The following CFAP92 variants were observed in gnomAD, a reference collection of about 807,000 sequenced individuals.
CFAP92 encodes the protein cilia and flagella associated protein 92 (putative).
CFAP92 carries 86 observed loss-of-function variants against 106.3 expected under a neutral mutation model. The observed-to-expected ratio is 0.81, with a 90% CI of 0.68 to 0.97. CFAP92 has a LOEUF of 0.97. CFAP92 is among the 50% of genes least tolerant of loss of function. The pLI is 0.00. For missense variants in CFAP92, 1,204 were observed against 1,283.8 expected, an observed-to-expected ratio of 0.94 and a Z score of 0.95; for synonymous variants, 477 against 506.4, an observed-to-expected ratio of 0.94 and a Z score of 0.78.
At chr3:128,962,609 C>G (rs1194024149) in intron 9 of CFAP92, among the ~76,000 whole-genome samples, 2 of 152,108 alleles carry the variant, frequency 1.3e-5, no homozygotes, top group African/African-American at 4.8e-5. Context: ...TAAGAGACCT[C>G]TACTCCCTCC....
the CFAP92 span, among the ~76,000 whole-genome samples, chr3:129,007,805 T>C: frequency 2.6e-5 from 4 of 152,262 alleles, no homozygotes; most frequent in Admixed American, 6.5e-5. Flanking sequence ...TATTGAGTTC[T>C]TTTTCAGACC....
intron 7 of CFAP92, among the ~76,000 whole-genome samples, chr3:128,971,689 A>G (rs575927619): frequency 6.6e-6 from 1 of 152,328 alleles, no homozygotes; most frequent in East Asian, 1.9e-4. Context: ...GAACACAGAC[A>G]GAAGAGAACT....
At chr3:128,932,563 G>T in intron 12 of CFAP92, 137 bp downstream of exon 12, 2 of 826,154 alleles carry the variant, frequency 2.4e-6, no homozygotes, top group Non-Finnish European at 1.8e-6. Flanking sequence ...CCATCCAGCA[G>T]GGTAGCCCAG....
At chr3:129,000,091 G>A (rs1419185191) in intron 1 of CFAP92, among the ~76,000 whole-genome samples, 1 of 152,218 alleles carries the variant, frequency 6.6e-6, no homozygotes, top group Non-Finnish European at 1.5e-5. Flanking sequence ...CTGAGTCCTA[G>A]CTGATTTGAT....
intron 8 of CFAP92, chr3:128,970,214 C>T: frequency 6.6e-6 from 1 of 152,442 alleles, no homozygotes; most frequent in East Asian, 1.9e-4. Context: ...TACACTCCAG[C>T]CTGGGTGAGA....
intron 10 of CFAP92, among the ~76,000 whole-genome samples, chr3:128,940,454 C>G (rs1451504538): frequency 2.0e-5 from 3 of 152,222 alleles, no homozygotes; most frequent in Non-Finnish European, 4.4e-5. Context: ...GCAGAGGACA[C>G]TTCTGATTTC....
chr3:128,961,959 C>T (rs377426272), intron 9 of CFAP92, among the ~76,000 whole-genome samples: 3 of 152,146 alleles, frequency 2.0e-5, no homozygotes, highest in Non-Finnish European at 4.4e-5. Context: ...CCTCCAGAAC[C>T]TCCTCCCCCA....
chr3:128,952,508 G>C (rs539157452), intron 9 of CFAP92, among the ~76,000 whole-genome samples: 1 of 152,130 alleles, frequency 6.6e-6, no homozygotes, highest in Non-Finnish European at 1.5e-5. Context: ...CCAATGAACA[G>C]ACACCAACAC....
At chr3:128,913,170 C>A in intron 15 of CFAP92, 1 of 406,718 alleles carries the variant, frequency 2.5e-6, no homozygotes, top group Non-Finnish European at 5.0e-6. Context: ...TGGGTGACAG[C>A]AGGACCCTGA....
rs141657989 is a variant in CFAP92, at chr3:128,992,200, C to G, written c.262+843G>C. Among the ~76,000 whole-genome samples the G allele has an allele frequency of 1.4e-3, 219 of 152,264 alleles. 6 individuals carry two copies. The highest frequency in any genetic ancestry group is 4.9e-3 in the African/African-American group (203 of 41,546). On this transcript the variant is annotated intron_variant, in intron 2 of 15. Coordinates refer to ENST00000645291, the MANE Select transcript of CFAP92 (RefSeq NM_001394090.1). ...GGGGGCTTGTTTGGGTTTGTTGCAC[C>G]GCATTTTTGTGGCAATAGCTAATTG...
upstream of CFAP92, among the ~76,000 whole-genome samples, chr3:129,006,287 AG>A (rs1945071011): frequency 6.6e-6 from 1 of 152,168 alleles, no homozygotes; most frequent in Non-Finnish European, 1.5e-5. Context: ...CCTGTTAGTC[AG>A]TCCCAAACAA....
intron 15 of CFAP92, among the ~76,000 whole-genome samples, chr3:128,911,269 G>T (rs994954662): frequency 2.6e-5 from 4 of 152,102 alleles, no homozygotes; most frequent in African/African-American, 9.7e-5. Flanking sequence ...TGTTAGCCAG[G>T]CTGGTCTCCA....
intron 7 of CFAP92, 82 bp downstream of exon 7, chr3:128,975,697 G>T: frequency 8.7e-7 from 1 of 1,148,202 alleles, no homozygotes; most frequent in Non-Finnish European, 1.2e-6. Flanking sequence ...GAATCTCATT[G>T]AAGTATCCTG....
chr3:129,015,266 C>T, the CFAP92 span, among the ~76,000 whole-genome samples: 1 of 152,152 alleles, frequency 6.6e-6, no homozygotes, highest in Non-Finnish European at 1.5e-5. Context: ...CTACTCCTGA[C>T]CAATCCACAT....
chr3:128,932,993 G>A lies in CFAP92; in HGVS notation c.2458C>T (p.His820Tyr), dbSNP rs1000644585. The A allele has an allele frequency of 1.3e-5, 20 of 1,535,936 alleles. No homozygotes were observed. The highest frequency in any genetic ancestry group is 1.7e-5 in the Non-Finnish European group (19 of 1,146,898). Reference sequence around the variant, plus strand: ...GTGGTGCTGTTATAGCAGATGTCGTGGATCCTGGAACAAAGAACCACTGCC... The same window carrying A: ...GTGGTGCTGTTATAGCAGATGTCGTAGATCCTGGAACAAAGAACCACTGCC... The part of the protein sequence containing the change: ...RRVFQALARI[H>Y]DICYNSTTLW... Residue 820 changes from histidine to tyrosine, a missense_variant, in exon 12 of 16, where the codon CAC (histidine) becomes TAC (tyrosine). Physicochemically the swap from His to Tyr is moderately conservative, Grantham distance 83. Coordinates refer to ENST00000645291, the MANE Select transcript of CFAP92 (RefSeq NM_001394090.1).
At chr3:128,983,994 A>G (rs1003502110) in intron 4 of CFAP92, among the ~76,000 whole-genome samples, 1 of 152,212 alleles carries the variant, frequency 6.6e-6, no homozygotes, top group Non-Finnish European at 1.5e-5. Flanking sequence ...GTGCAGAGAA[A>G]GCCAGAGGGC....
chr3:128,915,049 C>A (rs911474114), intron 15 of CFAP92, 70 bp downstream of exon 15: 2 of 1,441,402 alleles, frequency 1.4e-6, no homozygotes, highest in African/African-American at 2.8e-5. Context: ...ACTGAAGATG[C>A]AGAGTGGCAC....
At chr3:128,937,111 G>C (rs1363604627) in intron 10 of CFAP92, among the ~76,000 whole-genome samples, 2 of 151,496 alleles carry the variant, frequency 1.3e-5, no homozygotes, top group African/African-American at 4.9e-5. Flanking sequence ...GACCAGCCTT[G>C]GCAACCTGGT....
rs543087507 is a variant in CFAP92, at chr3:128,983,959, G to A, written c.667+3657C>T. Among the ~76,000 whole-genome samples, 621 of 152,344 alleles carry A rather than the reference G, an allele frequency of 4.1e-3. 2 individuals carry two copies. Among genetic ancestry groups the A allele is most frequent in the Middle Eastern group, 0.02 (6 of 294 alleles). ...AGACAGAGAAAGGCCAGGCCGGCAG[G>A]AGAGAGGAGGGGGAACAAACCTGAG... On this transcript the variant is annotated intron_variant, in intron 4 of 15. Coordinates refer to ENST00000645291, the MANE Select transcript of CFAP92 (RefSeq NM_001394090.1).
Sources: allele counts gnomAD v4.1 joint callset (sites outside exome capture counted in the v4.1 genomes callset), GRCh38; gene constraint gnomAD v4.1.1; transcripts MANE v1.5; gene names NCBI Gene and HGNC (gene_info 2026-07-23, HGNC 2026-07-21).